FAM219A: variants seen among roughly 807,000 people sequenced by gnomAD.
FAM219A encodes the protein family with sequence similarity 219 member A.
In FAM219A, 7 loss-of-function variants were observed where a neutral mutation model predicts 23.4. The observed-to-expected ratio is 0.30, with a 90% CI of 0.17 to 0.56. The LOEUF (loss-of-function observed/expected upper bound fraction) is 0.56. FAM219A is among the 20% of genes least tolerant of loss of function. The pLI is 0.92. For missense variants in FAM219A, 166 were observed against 246.9 expected, an observed-to-expected ratio of 0.67 and a Z score of 2.20; for synonymous variants, 93 against 99.0, an observed-to-expected ratio of 0.94 and a Z score of 0.36.
chr9:34,452,975 A>T (rs950501723), intron 1 of FAM219A, among the ~76,000 whole-genome samples: 1 of 152,162 alleles, frequency 6.6e-6, no homozygotes, highest in African/African-American at 2.4e-5. Context: ...GCCCAGAACA[A>T]CATCTAGCAG....
At chr9:34,409,435 C>G (rs1821749150) in intron 1 of FAM219A, among the ~76,000 whole-genome samples, 1 of 152,142 alleles carries the variant, frequency 6.6e-6, no homozygotes, top group Non-Finnish European at 1.5e-5. Context: ...TAAAGTGCCC[C>G]CCAAGGACAT....
chr9:34,398,521 C>A lies in FAM219A; in HGVS notation c.*2443G>T. 1 of 728,478 alleles carries A rather than the reference C, an allele frequency of 1.4e-6. No homozygotes were observed. Among genetic ancestry groups the A allele is most frequent in the Non-Finnish European group, 2.3e-6 (1 of 442,368 alleles). The allele number at this position is 728,478 out of a possible 1,614,324, so 45.1% of individuals were successfully genotyped here. On this transcript the variant is annotated 3_prime_UTR_variant, in exon 6 of 6. Transcript: ENST00000651358. ...CTGCCACTGCCAGCTTCCTGCCTCT[C>A]TCTGCCACACATGCACTGCCTCAGT...
At chr9:34,406,179 G>A in intron 1 of FAM219A, 3 of 646,530 alleles carry the variant, frequency 4.6e-6, no homozygotes, top group South Asian at 1.4e-4. Context: ...TGGGTTCCAT[G>A]TACACCCAAC....
chr9:34,409,182 T>C (rs1821742542), intron 1 of FAM219A, among the ~76,000 whole-genome samples: 1 of 152,238 alleles, frequency 6.6e-6, no homozygotes, highest in African/African-American at 2.4e-5. Context: ...ATCTCCTCCA[T>C]CACTATCCAT....
intron 1 of FAM219A, among the ~76,000 whole-genome samples, chr9:34,432,305 C>G (rs1822743532): frequency 1.3e-5 from 2 of 152,176 alleles, no homozygotes; most frequent in Non-Finnish European, 1.5e-5. Context: ...ATTTGATTCT[C>G]ACATCCACCA....
At chr9:34,430,636 C>CAA (rs757627612) in intron 1 of FAM219A, among the ~76,000 whole-genome samples, 8,263 of 55,958 alleles carry the variant, frequency 0.15, 811 homozygotes, top group East Asian at 0.38. Flanking sequence ...GACTCCGTCT[C>CAA]AAAAAAAAAA....
intron 1 of FAM219A, among the ~76,000 whole-genome samples, chr9:34,450,258 AG>A (rs1465527995): frequency 6.6e-6 from 1 of 151,054 alleles, no homozygotes; most frequent in Non-Finnish European, 1.5e-5. Flanking sequence ...GTTTGCAGTG[AG>A]CCAAGATTAA....
chr9:34,445,357 A>AAT (rs1823329927), intron 1 of FAM219A, among the ~76,000 whole-genome samples: 2 of 152,234 alleles, frequency 1.3e-5, no homozygotes, highest in South Asian at 4.1e-4. Context: ...CCTAAACCAG[A>AAT]ATATCATTTG....
At chr9:34,446,382 C>G (rs906080492) in intron 1 of FAM219A, among the ~76,000 whole-genome samples, 4 of 152,172 alleles carry the variant, frequency 2.6e-5, no homozygotes, top group African/African-American at 9.7e-5. Flanking sequence ...AACACCTATT[C>G]TCAGAAAACT....
In FAM219A at chr9:34,399,065, T is replaced by G. The variant is rs1185532336; in HGVS notation, c.*1899A>C. ...TTCCTAAGCCAACAGTCTCACTCCC[T>G]CCTCTCATTGCTCCCCATTCCAGCT... On this transcript the variant is annotated 3_prime_UTR_variant, in exon 6 of 6. Coordinates refer to ENST00000651358, the MANE Select transcript of FAM219A (RefSeq NM_001184940.2). 1 of 152,160 alleles carries G rather than the reference T, an allele frequency of 6.6e-6. No individual in the cohort carries two copies. The highest frequency in any genetic ancestry group is 2.4e-5 in the African/African-American group (1 of 41,390). 9.4% of individuals were successfully genotyped at this position (152,160 alleles called of 1,614,324 possible).
intron 1 of FAM219A, chr9:34,406,534 C>T: frequency 1.0e-6 from 1 of 962,990 alleles, no homozygotes; most frequent in Non-Finnish European, 1.2e-6. Flanking sequence ...TTCTCCAGTT[C>T]ACAAATGACA....
chr9:34,421,010 G>GAGAGAGAGAGAGAC (rs1564005834), intron 1 of FAM219A, among the ~76,000 whole-genome samples: 1 of 53,566 alleles, frequency 1.9e-5, no homozygotes, highest in Non-Finnish European at 4.8e-5. Flanking sequence ...GTGTGTGTGT[G>GAGAGAGAGAGAGAC]AGAGAGAGAG....
At chr9:34,451,467 A>G (rs893545442) in intron 1 of FAM219A, among the ~76,000 whole-genome samples, 1 of 152,062 alleles carries the variant, frequency 6.6e-6, no homozygotes, top group African/African-American at 2.4e-5. Flanking sequence ...AGCTCCCTGA[A>G]CCAGTTCTCC....
intron 1 of FAM219A, among the ~76,000 whole-genome samples, chr9:34,426,594 T>C (rs917473184): frequency 1.3e-5 from 2 of 152,228 alleles, no homozygotes; most frequent in Non-Finnish European, 2.9e-5. Flanking sequence ...CTGGACGTAG[T>C]AATGTAATTT....
intron 1 of FAM219A, among the ~76,000 whole-genome samples, chr9:34,454,308 C>A (rs757542972): frequency 6.6e-6 from 1 of 152,190 alleles, no homozygotes; most frequent in Non-Finnish European, 1.5e-5. Flanking sequence ...TGGTGGCATG[C>A]GCCTGTAGTC....
chr9:34,402,873 G>A (rs1821501433), intron 2 of FAM219A, 66 bp from the exon 3 acceptor site: 8 of 1,474,396 alleles, frequency 5.4e-6, no homozygotes, highest in African/African-American at 1.4e-5. Context: ...ACTACTCAGG[G>A]CAGCCTGGGC....
At position 34,412,311 on chromosome 9, in the gene FAM219A, T is replaced by C. The variant is rs183399693; in HGVS notation, c.61-6347A>G. 1.6e-3 allele frequency among the ~76,000 whole-genome samples: 250 copies of C among 152,298 alleles called. 1 individual carries two copies. Among genetic ancestry groups the C allele is most frequent in the Middle Eastern group, 3.4e-3 (1 of 294 alleles). On this transcript the variant is annotated intron_variant, in intron 1 of 5. Coordinates refer to ENST00000651358, the MANE Select transcript of FAM219A (RefSeq NM_001184940.2). ...CAGTAGAATTGGCAGGCTTCTGATA[T>C]AAAATGTAAAACAAAGGGTCTGGAC...
At chr9:34,421,202 G>A (rs1473592681) in intron 1 of FAM219A, among the ~76,000 whole-genome samples, 2 of 151,826 alleles carry the variant, frequency 1.3e-5, no homozygotes, top group Non-Finnish European at 2.9e-5. Context: ...GAGGGGAAGG[G>A]GAGGGTTAAC....
In FAM219A at chr9:34,399,673, G is replaced by T. The variant is rs1346266124; in HGVS notation, c.*1291C>A. On this transcript the variant is annotated 3_prime_UTR_variant, in exon 6 of 6. Transcript: ENST00000651358. Reference sequence around the variant, plus strand: ...AATTTCTATGAAGAAACTCTTTCAGGTATAAAAGGATCTTCAACATAATTT... The same window carrying T: ...AATTTCTATGAAGAAACTCTTTCAGTTATAAAAGGATCTTCAACATAATTT... 1 of 152,124 alleles carries T rather than the reference G, an allele frequency of 6.6e-6. No individual in the cohort carries two copies. Among genetic ancestry groups the T allele is most frequent in the Non-Finnish European group, 1.5e-5 (1 of 68,022 alleles). The allele number at this position is 152,124 out of a possible 1,614,324, so 9.4% of individuals were successfully genotyped here. A position where few individuals can be genotyped will look rare whatever the true frequency, so the allele number is the denominator to read the frequency against.
Sources: gnomAD v4.1 joint callset for allele counts (sites outside exome capture counted in the v4.1 genomes callset) on GRCh38, gnomAD v4.1.1 for gene constraint, MANE v1.5 for transcripts, NCBI Gene and HGNC (gene_info 2026-07-23, HGNC 2026-07-21) for gene names.